The following STAM variants were observed in gnomAD, a reference collection of about 807,000 sequenced individuals.
The protein encoded by STAM is signal transducing adapter molecule 1.
A neutral mutation model predicts 63.4 loss-of-function variants in STAM; 16 were observed. The ratio of observed to expected loss-of-function variants is 0.25; its 90% CI spans 0.17 to 0.38. The LOEUF (loss-of-function observed/expected upper bound fraction) is 0.38, where lower values mean the gene tolerates loss of function less well. Among genes scored for constraint, STAM ranks in the 10% least tolerant of loss-of-function variants. STAM has a pLI of 1.00. For missense variants in STAM, 636 were observed against 657.1 expected, an observed-to-expected ratio of 0.97 and a Z score of 0.35; for synonymous variants, 238 against 223.9, an observed-to-expected ratio of 1.06 and a Z score of -0.56.
intron 13 of STAM, among the ~76,000 whole-genome samples, chr10:17,712,646 T>A (rs973639609): frequency 2.0e-5 from 3 of 152,204 alleles, no homozygotes; most frequent in Non-Finnish European, 4.4e-5. Context: ...TTTTACATTT[T>A]TAATACAAAT....
rs142351284 is a variant in STAM, at chr10:17,706,229, TTTGTTG to T, written c.1209+500_1209+505del. ...AATATACTAATTATGCTAATAGTTT[TTTGTTG>T]TTGTTGTTGTTTAAAGGAAATAGCT... is the stretch of plus-strand genomic sequence containing the variant. On this transcript the variant is annotated intron_variant, in intron 12 of 13. Coordinates refer to ENST00000377524, the MANE Select transcript of STAM (RefSeq NM_003473.4). 1.1e-4 allele frequency among the ~76,000 whole-genome samples: 16 copies of T among 151,992 alleles called. 1 individual carries two copies. Among genetic ancestry groups the T allele is most frequent in the Admixed American group, 2.6e-4 (4 of 15,250 alleles).
At chr10:17,687,575 A>G (rs890832606) in intron 4 of STAM, among the ~76,000 whole-genome samples, 1 of 152,256 alleles carries the variant, frequency 6.6e-6, no homozygotes, top group South Asian at 2.1e-4. Context: ...AATGATTAAC[A>G]TGCAGTGTAC....
chr10:17,695,574 A>G (rs375126960), intron 7 of STAM: 1 of 178,866 alleles, frequency 5.6e-6, no homozygotes, highest in African/African-American at 2.4e-5. Context: ...ACTTAATGCA[A>G]TTTGTAAGAA....
intron 2 of STAM, among the ~76,000 whole-genome samples, chr10:17,669,729 G>T (rs1554823830): frequency 7.0e-6 from 1 of 143,868 alleles, no homozygotes; most frequent in Non-Finnish European, 1.5e-5. Flanking sequence ...ATGGAGTCTC[G>T]CTCTGTCACC....
rs1468427121 is a variant in STAM, at chr10:17,704,304, A to C, written c.913-127A>C. 4 of 711,704 alleles carry C rather than the reference A, an allele frequency of 5.6e-6. No homozygotes were observed. The African/African-American group carries it at 7.2e-5, about 13-fold the overall frequency. The allele number at this position is 711,704 out of a possible 1,614,324, so 44.1% of individuals were successfully genotyped here. On this transcript the variant is annotated intron_variant, in intron 9 of 13. Coordinates refer to ENST00000377524, the MANE Select transcript of STAM (RefSeq NM_003473.4). ...AGAATAAATACATGGGACACTGACA[A>C]CATAAAAGCAAAATTGGAGTCTCCA...
At chr10:17,711,088 A>C (rs1364423041) in intron 13 of STAM, among the ~76,000 whole-genome samples, 1 of 152,198 alleles carries the variant, frequency 6.6e-6, no homozygotes, top group Non-Finnish European at 1.5e-5. Flanking sequence ...TCTAGCGGCA[A>C]ATCAAGGTCA....
In STAM at chr10:17,708,923, A is replaced by G; in HGVS notation, c.1357A>G (p.Ser453Gly). The G allele has an allele frequency of 2.5e-6, 4 of 1,614,052 alleles. No individual in the cohort carries two copies. Among genetic ancestry groups the G allele is most frequent in the Middle Eastern group, 1.6e-4 (1 of 6,062 alleles). ...VPPSANPALP[S>G]QQTQAAYPNT... is the part of the protein sequence containing the mutation. ...ACCATCCGCAAACCCAGCCCTTCCT[A>G]GTCAGCAGACTCAGGCCGCTTACCC... Residue 453 changes from serine (S) to glycine (G), a missense_variant, in exon 13 of 14, where the codon AGT (serine) becomes GGT (glycine). Ser to Gly is a moderately conservative substitution (Grantham distance 56, BLOSUM62 0). Around this residue, in one of 3 missense-constraint regions of STAM, gnomAD observed 532 missense variants for 536.9 expected, o/e 0.99. Coordinates refer to ENST00000377524, the MANE Select transcript of STAM (RefSeq NM_003473.4).
At chr10:17,698,071 T>C (rs138751592) in intron 8 of STAM, among the ~76,000 whole-genome samples, 14 of 152,302 alleles carry the variant, frequency 9.2e-5, no homozygotes, top group African/African-American at 2.6e-4. Context: ...TTCACTTCTC[T>C]TTCAAGAGAA....
chr10:17,671,428 A>G (rs1834636367), intron 2 of STAM, among the ~76,000 whole-genome samples: 2 of 152,224 alleles, frequency 1.3e-5, no homozygotes. Flanking sequence ...CATTCTGATA[A>G]GGAGGTATTA....
intron 13 of STAM, among the ~76,000 whole-genome samples, chr10:17,709,836 T>C (rs1836474975): frequency 6.7e-6 from 1 of 149,398 alleles, no homozygotes; most frequent in Non-Finnish European, 1.5e-5. Flanking sequence ...CATTATTCGG[T>C]TGTCAGATCT....
intron 12 of STAM, among the ~76,000 whole-genome samples, chr10:17,707,589 G>C (rs369258609): frequency 6.6e-6 from 1 of 152,062 alleles, no homozygotes; most frequent in Admixed American, 6.6e-5. Context: ...CTGCTTTAGA[G>C]TCTTGATCAC....
intron 4 of STAM, among the ~76,000 whole-genome samples, chr10:17,687,590 A>G (rs1554826251): frequency 1.3e-5 from 2 of 152,232 alleles, no homozygotes; most frequent in East Asian, 1.9e-4. Flanking sequence ...GTGTACCTCA[A>G]ACTAGGCCCC....
At chr10:17,646,287 C>T (rs1833517426) in intron 1 of STAM, among the ~76,000 whole-genome samples, 1 of 152,014 alleles carries the variant, frequency 6.6e-6, no homozygotes, top group Non-Finnish European at 1.5e-5. Flanking sequence ...TATCCCTGGC[C>T]TTTATCCACT....
chr10:17,689,042 G>A (rs1554826444), intron 5 of STAM, among the ~76,000 whole-genome samples: 1 of 152,136 alleles, frequency 6.6e-6, no homozygotes, highest in Non-Finnish European at 1.5e-5. Flanking sequence ...CCTTTCCCCA[G>A]TGGATATGGC....
intron 5 of STAM, among the ~76,000 whole-genome samples, chr10:17,689,361 T>G (rs1380570330): frequency 6.6e-6 from 1 of 152,214 alleles, no homozygotes; most frequent in Non-Finnish European, 1.5e-5. Context: ...TCTACATTCA[T>G]CCAGACCTAC....
chr10:17,667,822 A>G (rs782458394), intron 2 of STAM, among the ~76,000 whole-genome samples: 2 of 152,264 alleles, frequency 1.3e-5, no homozygotes, highest in Admixed American at 1.3e-4. Context: ...AATAGTCTGT[A>G]GGTGAATGCT....
At chr10:17,679,591 TA>T (rs1293415053) in intron 2 of STAM, among the ~76,000 whole-genome samples, 2 of 150,998 alleles carry the variant, frequency 1.3e-5, no homozygotes, top group Non-Finnish European at 1.5e-5. Flanking sequence ...TTTTTTTTTT[TA>T]AATGAAGTGT....
intron 2 of STAM, among the ~76,000 whole-genome samples, chr10:17,665,345 T>A (rs1319482650): frequency 6.6e-6 from 1 of 152,210 alleles, no homozygotes; most frequent in Non-Finnish European, 1.5e-5. Flanking sequence ...TAAAACAATT[T>A]AAAAAGATGG....
intron 8 of STAM, among the ~76,000 whole-genome samples, chr10:17,699,424 G>A (rs1182826604): frequency 6.6e-6 from 1 of 152,138 alleles, no homozygotes; most frequent in Non-Finnish European, 1.5e-5. Context: ...AGTTTGTTTA[G>A]TAGAGTTGTA....
Sources: gnomAD v4.1 joint callset for allele counts (sites outside exome capture counted in the v4.1 genomes callset) on GRCh38, gnomAD v4.1.1 for gene constraint, gnomAD v4.1.1 regional missense constraint, MANE v1.5 for transcripts, NCBI Gene and HGNC (gene_info 2026-07-23, HGNC 2026-07-21) for gene names.